NUMB: variants seen among roughly 807,000 people sequenced by gnomAD.
NUMB encodes NUMB endocytic adaptor protein, also known as protein numb homolog.
NUMB carries 29 observed loss-of-function variants against 59.7 expected under a neutral mutation model. That is an observed-to-expected ratio of 0.49 (90% CI 0.36 to 0.66). The LOEUF is 0.66. Among genes scored for constraint, NUMB ranks in the 30% least tolerant of loss-of-function variants. The pLI, the probability that NUMB is intolerant of heterozygous loss-of-function variation, is 0.00. For synonymous variants in NUMB, 288 were observed against 288.2 expected (o/e 1.00, Z 0.01); for missense variants, 723 against 822.0 (o/e 0.88, Z 1.47).
chr14:73,429,932 G>A (rs1356007701), intron 1 of NUMB, among the ~76,000 whole-genome samples: 3 of 150,370 alleles, frequency 2.0e-5, no homozygotes, highest in Non-Finnish European at 4.4e-5. Context: ...GCCATAAAGT[G>A]AGACTCTGTC....
At chr14:73,365,554 C>T (rs191578750) in intron 3 of NUMB, among the ~76,000 whole-genome samples, 11 of 151,908 alleles carry the variant, frequency 7.2e-5, no homozygotes, top group Admixed American at 1.3e-4. Context: ...AAGGACTGCT[C>T]GAGCCTAAGA....
At chr14:73,429,504 T>C (rs1365988871) in intron 1 of NUMB, among the ~76,000 whole-genome samples, 1 of 152,190 alleles carries the variant, frequency 6.6e-6, no homozygotes, top group Non-Finnish European at 1.5e-5. Context: ...TATTGTACAA[T>C]GTTAGTGAAT....
At chr14:73,294,594 T>C (rs1441480399) in intron 7 of NUMB, among the ~76,000 whole-genome samples, 1 of 151,604 alleles carries the variant, frequency 6.6e-6, no homozygotes, top group Non-Finnish European at 1.5e-5. Context: ...CTCAGCTTAC[T>C]GCAACCTCTG....
At chr14:73,417,468 G>T (rs1320523201) in intron 1 of NUMB, among the ~76,000 whole-genome samples, 1 of 151,776 alleles carries the variant, frequency 6.6e-6, no homozygotes, top group Non-Finnish European at 1.5e-5. Context: ...TCCCAGAAGG[G>T]GGTCAGGAAA....
intron 4 of NUMB, among the ~76,000 whole-genome samples, chr14:73,339,800 C>T (rs1438124872): frequency 6.6e-6 from 1 of 152,104 alleles, no homozygotes; most frequent in African/African-American, 2.4e-5. Flanking sequence ...TTAGAACTGG[C>T]AAAGGCTATT....
At position 73,395,031 on chromosome 14, in the gene NUMB, GTGTGTT is replaced by G. The variant is rs1487986423; in HGVS notation, c.-101+14900_-101+14905del. On this transcript the variant is annotated intron_variant, in intron 2 of 12. Coordinates refer to ENST00000555238, the MANE Select transcript of NUMB (RefSeq NM_001005743.2). Reference sequence around the variant, plus strand: ...TCTCCTTTAAGGTTGAATAGTATTCGTGTGTTTGTGTGTGTGTGTGTGTGTGTGTGT... The same window carrying G: ...TCTCCTTTAAGGTTGAATAGTATTCGTGTGTGTGTGTGTGTGTGTGTGTGT... Among the ~76,000 whole-genome samples the G allele has an allele frequency of 7.7e-3, 695 of 90,272 alleles. 7 individuals are homozygous for G. Among genetic ancestry groups the G allele is most frequent in the African/African-American group, 0.021 (333 of 15,598 alleles). 59.2% of individuals were successfully genotyped at this position (90,272 alleles called of 152,430 possible). A position where few individuals can be genotyped will look rare whatever the true frequency, so the allele number is the denominator to read the frequency against.
intron 1 of NUMB, among the ~76,000 whole-genome samples, chr14:73,452,884 A>G (rs776075941): frequency 3.3e-5 from 5 of 152,178 alleles, no homozygotes. Context: ...AAGAGTAATA[A>G]CAAGCAGCAG....
At chr14:73,448,615 T>C (rs1883711870) in intron 1 of NUMB, among the ~76,000 whole-genome samples, 1 of 152,234 alleles carries the variant, frequency 6.6e-6, no homozygotes, top group Non-Finnish European at 1.5e-5. Flanking sequence ...AAGATAAATA[T>C]ATTAACTCCA....
chr14:73,290,962 G>T (rs177373), intron 8 of NUMB, among the ~76,000 whole-genome samples: 121,782 of 152,184 alleles, frequency 0.8, 49,286 homozygotes, highest in African/African-American at 0.92. Context: ...ATGTTAAAAT[G>T]CTGGGTAATT....
At chr14:73,450,475 A>T (rs1883842551) in intron 1 of NUMB, among the ~76,000 whole-genome samples, 1 of 152,248 alleles carries the variant, frequency 6.6e-6, no homozygotes, top group African/African-American at 2.4e-5. Context: ...TTTGGAGGAA[A>T]AAAAAGTTTT....
At chr14:73,296,776 A>G (rs547737976) in intron 7 of NUMB, among the ~76,000 whole-genome samples, 36 of 152,326 alleles carry the variant, frequency 2.4e-4, no homozygotes, top group African/African-American at 8.7e-4. Context: ...CTGTAATCCC[A>G]GCACTTTAGG....
intron 2 of NUMB, among the ~76,000 whole-genome samples, chr14:73,388,060 T>G (rs997386149): frequency 6.6e-6 from 1 of 151,736 alleles, no homozygotes; most frequent in Non-Finnish European, 1.5e-5. Flanking sequence ...TGAGCTATGA[T>G]CATACCACTT....
At chr14:73,420,154 C>T (rs1301746973) in intron 1 of NUMB, among the ~76,000 whole-genome samples, 1 of 152,218 alleles carries the variant, frequency 6.6e-6, no homozygotes, top group Non-Finnish European at 1.5e-5. Context: ...AGCCACGGCA[C>T]CCAGCCCTAG....
intron 1 of NUMB, among the ~76,000 whole-genome samples, chr14:73,429,467 T>A (rs1302261390): frequency 6.6e-6 from 1 of 152,198 alleles, no homozygotes; most frequent in Admixed American, 6.5e-5. Context: ...TAAGTCTGAC[T>A]TCCTTCATTT....
chr14:73,414,452 G>A (rs1897032393), intron 1 of NUMB, among the ~76,000 whole-genome samples: 1 of 152,104 alleles, frequency 6.6e-6, no homozygotes, highest in South Asian at 2.1e-4. Context: ...GGAATGCAGT[G>A]GTGTGATCAT....
intron 6 of NUMB, among the ~76,000 whole-genome samples, chr14:73,300,790 T>C (rs191816232): frequency 2.5e-4 from 38 of 152,292 alleles, no homozygotes; most frequent in Non-Finnish European, 4.6e-4. Context: ...TATCTCCTAA[T>C]GCTATTCCTC....
intron 3 of NUMB, among the ~76,000 whole-genome samples, chr14:73,357,570 C>T (rs978222686): frequency 3.3e-5 from 5 of 151,770 alleles, no homozygotes; most frequent in Admixed American, 3.3e-4. Flanking sequence ...TGAGACCAGC[C>T]TGGCCAACAT....
chr14:73,408,877 C>CA (rs368923818), intron 2 of NUMB, among the ~76,000 whole-genome samples: 4,487 of 124,842 alleles, frequency 0.036, 121 homozygotes, highest in African/African-American at 0.053. Context: ...AACTCCTTCT[C>CA]AAAAAAAAAA....
rs71112732 is a variant in NUMB, at chr14:73,350,078, TACAC to T, written c.126+5544_126+5547del. ...ATACATATATACATACATACATACA[TACAC>T]ACACACACACACACACACACACACA... is the stretch of plus-strand genomic sequence containing the variant. On this transcript the variant is annotated intron_variant, in intron 4 of 12. Transcript: ENST00000555238. Among the ~76,000 whole-genome samples, 202 of 137,754 alleles carry T rather than the reference TACAC, an allele frequency of 1.5e-3. 1 individual carries two copies. The highest frequency in any genetic ancestry group is 4.0e-3 in the South Asian group (16 of 4,014). The allele number at this position is 137,754 out of a possible 152,430, so 90.4% of individuals were successfully genotyped here.
Sources: gnomAD v4.1 joint callset for allele counts (sites outside exome capture counted in the v4.1 genomes callset) on GRCh38, gnomAD v4.1.1 for gene constraint, MANE v1.5 for transcripts, NCBI Gene and HGNC (gene_info 2026-07-23, HGNC 2026-07-21) for gene names.